The following PRICKLE1 variants were observed in gnomAD, a reference collection of about 807,000 sequenced individuals.
PRICKLE1 encodes the protein prickle-like protein 1.
In PRICKLE1, 14 loss-of-function variants were observed where a neutral mutation model predicts 70.2. The ratio of observed to expected loss-of-function variants is 0.20; its 90% CI spans 0.13 to 0.31. PRICKLE1 has a LOEUF of 0.31. Among genes scored for constraint, PRICKLE1 ranks in the 10% least tolerant of loss-of-function variants. The probability of loss-of-function intolerance (pLI) is 1.00; values close to 1 mark genes in which losing one functional copy is unlikely to be tolerated. For synonymous variants in PRICKLE1, 357 were observed against 379.9 expected (o/e 0.94, Z 0.70); for missense variants, 821 against 1,026.2 (o/e 0.80, Z 2.73).
At chr12:42,585,151 T>C (rs1940966644) in intron 1 of PRICKLE1, among the ~76,000 whole-genome samples, 1 of 152,200 alleles carries the variant, frequency 6.6e-6, no homozygotes, top group Non-Finnish European at 1.5e-5. Flanking sequence ...AGTTGACTTT[T>C]AGGCTCACTT....
intron 1 of PRICKLE1, among the ~76,000 whole-genome samples, chr12:42,578,847 C>T (rs999652924): frequency 6.6e-6 from 1 of 152,008 alleles, no homozygotes; most frequent in African/African-American, 2.4e-5. Context: ...ACTGCAACCT[C>T]AGCCTCCAGG....
intron 1 of PRICKLE1, among the ~76,000 whole-genome samples, chr12:42,495,307 G>A (rs1346729198): frequency 2.7e-5 from 4 of 150,268 alleles, no homozygotes; most frequent in African/African-American, 9.8e-5. Flanking sequence ...GATCACTTGA[G>A]CCTGGGAGAC....
chr12:42,486,254 A>C (rs1938989022), intron 1 of PRICKLE1, among the ~76,000 whole-genome samples: 1 of 152,252 alleles, frequency 6.6e-6, no homozygotes, highest in Admixed American at 6.5e-5. Context: ...TAGCATTGCC[A>C]GGTATTTACA....
Position 42,459,629 on chromosome 12 carries a change from A to T in PRICKLE1, c.*180T>A. ...CACCTGGCACCATCCAAAGAGGGTA[A>T]ATTGGAGAAATCACACCTTTCAAAT... On this transcript the variant is annotated 3_prime_UTR_variant, in exon 8 of 8. Coordinates refer to ENST00000345127, the MANE Select transcript of PRICKLE1 (RefSeq NM_153026.3). 2.6e-6 allele frequency: 2 copies of T among 777,410 alleles called. No individual in the cohort carries two copies. The highest frequency in any genetic ancestry group is 5.0e-5 in the East Asian group (2 of 40,346). The allele number at this position is 777,410 out of a possible 1,614,324, so 48.2% of individuals were successfully genotyped here.
chr12:42,573,359 C>T (rs1940753702), intron 1 of PRICKLE1, among the ~76,000 whole-genome samples: 1 of 152,156 alleles, frequency 6.6e-6, no homozygotes, highest in South Asian at 2.1e-4. Context: ...TAGAGGCATA[C>T]TCACAAACTC....
intron 1 of PRICKLE1, among the ~76,000 whole-genome samples, chr12:42,515,240 ATTTT>A (rs11360372): frequency 7.2e-6 from 1 of 138,692 alleles, no homozygotes; most frequent in Non-Finnish European, 1.6e-5. Flanking sequence ...GGCATTATCT[ATTTT>A]TTTTTTTTTT....
chr12:42,561,039 G>C (rs1940505585), intron 1 of PRICKLE1, among the ~76,000 whole-genome samples: 1 of 152,122 alleles, frequency 6.6e-6, no homozygotes, highest in South Asian at 2.1e-4. Context: ...ATTAAAAAGA[G>C]ATAAGCCTCA....
At chr12:42,540,447 C>A (rs1940091651) in intron 1 of PRICKLE1, among the ~76,000 whole-genome samples, 1 of 152,150 alleles carries the variant, frequency 6.6e-6, no homozygotes, top group Non-Finnish European at 1.5e-5. Flanking sequence ...CAATACTGAC[C>A]ATATGGCACT....
intron 1 of PRICKLE1, among the ~76,000 whole-genome samples, chr12:42,503,042 A>G (rs1796346): frequency 0.74 from 113,218 of 152,182 alleles, 42,369 homozygotes; most frequent in Admixed American, 0.81. Flanking sequence ...CTACTTAAGA[A>G]CAAACAGAAC....
At chr12:42,517,602 G>A (rs1002842043) in intron 1 of PRICKLE1, among the ~76,000 whole-genome samples, 3 of 151,868 alleles carry the variant, frequency 2.0e-5, no homozygotes, top group African/African-American at 7.3e-5. Flanking sequence ...TTGAGCCACC[G>A]CACCTGGCCC....
At chr12:42,481,437 A>AG (rs1407444978) in intron 1 of PRICKLE1, among the ~76,000 whole-genome samples, 1 of 152,222 alleles carries the variant, frequency 6.6e-6, no homozygotes, top group Non-Finnish European at 1.5e-5. Flanking sequence ...GAACATGCCC[A>AG]GGGAAGTTAG....
chr12:42,469,569 A>G lies in PRICKLE1; in HGVS notation c.265T>C (p.Leu89=). The G allele has an allele frequency of 6.2e-7, 1 of 1,614,072 alleles. No individual in the cohort carries two copies. The highest frequency in any genetic ancestry group is 1.1e-5 in the South Asian group (1 of 91,080). The stretch of plus-strand genomic sequence containing the variant: ...AACTCTTTTTTCTCCTCTTCACTCA[A>G]AGACTGGCAATACCGTACCTTCACA... ...HDNEVRYCQS[L]SEEEKKELQV... Residue 89 remains leucine, a synonymous_variant, in exon 4 of 8, where the codon TTG becomes CTG. Transcript: ENST00000345127.
chr12:42,543,756 C>T (rs1016216314), intron 1 of PRICKLE1, among the ~76,000 whole-genome samples: 1 of 152,012 alleles, frequency 6.6e-6, no homozygotes, highest in Non-Finnish European at 1.5e-5. Flanking sequence ...CTCCTGACCT[C>T]GTTATCTGCC....
intron 1 of PRICKLE1, among the ~76,000 whole-genome samples, chr12:42,558,944 G>T (rs749207827): frequency 6.6e-6 from 1 of 152,086 alleles, no homozygotes; most frequent in Non-Finnish European, 1.5e-5. Flanking sequence ...GAACCAAATC[G>T]CATGATTGTA....
intron 1 of PRICKLE1, among the ~76,000 whole-genome samples, chr12:42,559,619 TATA>T (rs1178325842): frequency 9.6e-5 from 5 of 52,084 alleles, no homozygotes; most frequent in South Asian, 1.1e-3. Flanking sequence ...TATATATATA[TATA>T]TATTTTTTTT....
At chr12:42,583,996 C>T (rs938121500) in intron 1 of PRICKLE1, among the ~76,000 whole-genome samples, 2 of 152,060 alleles carry the variant, frequency 1.3e-5, no homozygotes, top group African/African-American at 4.8e-5. Flanking sequence ...TCTAATAAGT[C>T]AAATATATCT....
At chr12:42,531,270 T>C (rs1443828456) in intron 1 of PRICKLE1, among the ~76,000 whole-genome samples, 2 of 151,578 alleles carry the variant, frequency 1.3e-5, no homozygotes, top group East Asian at 3.9e-4. Flanking sequence ...ATGGTCTCGA[T>C]CTCCTGACCT....
At chr12:42,537,105 A>T (rs1333321458) in intron 1 of PRICKLE1, among the ~76,000 whole-genome samples, 2 of 152,068 alleles carry the variant, frequency 1.3e-5, no homozygotes, top group African/African-American at 4.8e-5. Context: ...TATGCCTAAT[A>T]AATTATCTGT....
In PRICKLE1 at chr12:42,469,467, G is replaced by C. The variant is rs1938229741; in HGVS notation, c.367C>G (p.His123Asp). ...TIKLLSRAVM[H>D]AVCEQCGLKI... is the part of the protein sequence containing the mutation. ...CTGCTCACCTGCTCACACACAGCAT[G>C]CATGACTGCTCTGGACAGAAGCTTA... Residue 123 changes from histidine to aspartate, a missense_variant, in exon 4 of 8, where the codon CAT (histidine) becomes GAT (aspartate). By Grantham distance (81) the His-to-Asp change is moderately conservative. Coordinates refer to ENST00000345127, the MANE Select transcript of PRICKLE1 (RefSeq NM_153026.3). The C allele has an allele frequency of 1.9e-6, 3 of 1,614,156 alleles. No homozygotes were observed. The highest frequency in any genetic ancestry group is 8.5e-7 in the Non-Finnish European group (1 of 1,180,034).
Sources: allele counts gnomAD v4.1 joint callset (sites outside exome capture counted in the v4.1 genomes callset), GRCh38; gene constraint gnomAD v4.1.1; transcripts MANE v1.5; gene names NCBI Gene and HGNC (gene_info 2026-07-23, HGNC 2026-07-21).